The following LRRC4C variants were observed in gnomAD, a reference collection of about 807,000 sequenced individuals.
LRRC4C encodes leucine rich repeat containing 4C.
In LRRC4C, 5 loss-of-function variants were observed where a neutral mutation model predicts 33.6. That is an observed-to-expected ratio of 0.15 (90% confidence interval 0.08 to 0.31). The LOEUF is 0.31. LRRC4C is among the 10% of genes least tolerant of loss of function. The probability of loss-of-function intolerance (pLI) is 1.00; values close to 1 mark genes in which losing one functional copy is unlikely to be tolerated. For missense variants in LRRC4C, 560 were observed against 796.7 expected, an observed-to-expected ratio of 0.70 and a Z score of 3.58; for synonymous variants, 329 against 302.0, an observed-to-expected ratio of 1.09 and a Z score of -0.93.
At chr11:41,133,499 A>G in intron 1 of LRRC4C, among the ~76,000 whole-genome samples, 1 of 100,194 alleles carries the variant, frequency 1.0e-5, no homozygotes, top group Non-Finnish European at 1.9e-5. Context: ...CCCGCCAACC[A>G]ACAGAATAGA....
chr11:40,993,069 T>C (rs1170848457), intron 1 of LRRC4C, among the ~76,000 whole-genome samples: 1 of 152,124 alleles, frequency 6.6e-6, no homozygotes, highest in Non-Finnish European at 1.5e-5. Context: ...GCAATTAAAA[T>C]AAAATAATAA....
chr11:41,324,877 T>C (rs1323367960), intron 1 of LRRC4C, among the ~76,000 whole-genome samples: 8 of 152,210 alleles, frequency 5.3e-5, no homozygotes, highest in African/African-American at 9.6e-5. Flanking sequence ...TTAGTAATAT[T>C]TGGGGATTTT....
chr11:41,228,036 T>C (rs921568864), intron 1 of LRRC4C, among the ~76,000 whole-genome samples: 20 of 152,138 alleles, frequency 1.3e-4, no homozygotes, highest in African/African-American at 4.8e-4. Flanking sequence ...ACCACATTAA[T>C]TTCTCTTGCT....
At chr11:40,860,091 A>AAAT (rs140127318) in intron 2 of LRRC4C, among the ~76,000 whole-genome samples, 205 of 144,230 alleles carry the variant, frequency 1.4e-3, no homozygotes, top group Non-Finnish European at 5.1e-4. Flanking sequence ...GTCCCCCCAA[A>AAAT]AAATAAATAA....
At chr11:40,561,300 AG>A (rs1044107398) in intron 3 of LRRC4C, among the ~76,000 whole-genome samples, 2 of 152,038 alleles carry the variant, frequency 1.3e-5, no homozygotes, top group African/African-American at 2.4e-5. Flanking sequence ...AGTGGAATGA[AG>A]GGATTGGACT....
At chr11:40,489,175 A>G (rs1954020435) in intron 3 of LRRC4C, among the ~76,000 whole-genome samples, 1 of 151,880 alleles carries the variant, frequency 6.6e-6, no homozygotes, top group Non-Finnish European at 1.5e-5. Flanking sequence ...GGTTCTTGTA[A>G]TTTTCCACCC....
chr11:40,137,982 C>G (rs1174544433), intron 6 of LRRC4C, among the ~76,000 whole-genome samples: 1 of 152,156 alleles, frequency 6.6e-6, no homozygotes, highest in Non-Finnish European at 1.5e-5. Context: ...CAGGCACTAA[C>G]TTACATACGC....
chr11:40,282,332 G>C (rs1262745413), intron 4 of LRRC4C, among the ~76,000 whole-genome samples: 1 of 152,066 alleles, frequency 6.6e-6, no homozygotes, highest in African/African-American at 2.4e-5. Flanking sequence ...GTGACAGAGT[G>C]AGACTCCATC....
chr11:40,834,969 G>A (rs1952605181), intron 2 of LRRC4C, among the ~76,000 whole-genome samples: 1 of 109,014 alleles, frequency 9.2e-6, no homozygotes, highest in Admixed American at 9.7e-5. Flanking sequence ...ACCCACCCTG[G>A]GATTCTGGAT....
At chr11:40,744,476 T>G (rs143817957) in intron 2 of LRRC4C, among the ~76,000 whole-genome samples, 1 of 152,192 alleles carries the variant, frequency 6.6e-6, no homozygotes, top group Non-Finnish European at 1.5e-5. Context: ...TCTACTTCAT[T>G]GTAATTGTAG....
intron 3 of LRRC4C, among the ~76,000 whole-genome samples, chr11:40,582,903 A>G (rs1958538868): frequency 1.3e-5 from 2 of 152,176 alleles, no homozygotes; most frequent in African/African-American, 2.4e-5. Context: ...TACAATGGCA[A>G]TGATTCAATC....
At chr11:40,251,012 G>C (rs1272349780) in intron 4 of LRRC4C, among the ~76,000 whole-genome samples, 1 of 152,102 alleles carries the variant, frequency 6.6e-6, no homozygotes, top group Non-Finnish European at 1.5e-5. Context: ...TGTTTAGGTA[G>C]TTTTAAATCC....
intron 2 of LRRC4C, among the ~76,000 whole-genome samples, chr11:40,821,780 T>A (rs1425582763): frequency 6.6e-6 from 1 of 151,778 alleles, no homozygotes; most frequent in Non-Finnish European, 1.5e-5. Flanking sequence ...TAACATGGTA[T>A]CCTTGATTCA....
intron 3 of LRRC4C, among the ~76,000 whole-genome samples, chr11:40,338,240 G>A (rs1268115810): frequency 1.3e-5 from 2 of 152,118 alleles, no homozygotes; most frequent in Non-Finnish European, 2.9e-5. Context: ...ATGTTCTAAA[G>A]GTAGTAAATA....
intron 1 of LRRC4C, among the ~76,000 whole-genome samples, chr11:41,044,261 G>A (rs1857625961): frequency 6.6e-6 from 1 of 152,120 alleles, no homozygotes; most frequent in Non-Finnish European, 1.5e-5. Flanking sequence ...TGTCACAGTG[G>A]TGGAAGAAGC....
At position 40,114,660 on chromosome 11, in the gene LRRC4C, C is replaced by G; in HGVS notation, c.1633G>C (p.Val545Leu). ...TGCTTCCTCATCTTGTAGAAAATGA[C>G]CAGCATCACTGCAGCCATGAGTGTG... ...AITLMAAVML[V>L]IFYKMRKQHH... The change falls in exon 7 of 7, where the codon GTC (valine) becomes CTC (leucine). Residue 545 changes from valine (V) to leucine (L), a missense_variant. Transcript: ENST00000528697. 3 of 1,614,170 alleles carry G rather than the reference C, an allele frequency of 1.9e-6. No individual in the cohort carries two copies. Among genetic ancestry groups the G allele is most frequent in the Non-Finnish European group, 2.5e-6 (3 of 1,180,032 alleles).
intron 3 of LRRC4C, among the ~76,000 whole-genome samples, chr11:40,422,793 T>C (rs920272497): frequency 4.6e-5 from 7 of 152,274 alleles, no homozygotes; most frequent in Non-Finnish European, 1.0e-4. Flanking sequence ...CTTAATATAA[T>C]AGATTTTACA....
At chr11:40,606,411 A>T (rs1189034815) in intron 3 of LRRC4C, among the ~76,000 whole-genome samples, 2 of 152,186 alleles carry the variant, frequency 1.3e-5, no homozygotes, top group Non-Finnish European at 2.9e-5. Context: ...ATTTAGCCCA[A>T]CTGAATGGTA....
At chr11:41,369,950 A>G (rs1056369713) in intron 1 of LRRC4C, among the ~76,000 whole-genome samples, 1 of 152,240 alleles carries the variant, frequency 6.6e-6, no homozygotes, top group Non-Finnish European at 1.5e-5. Context: ...TCAACTCTCA[A>G]TAGAGATGCA....
Sources: allele counts gnomAD v4.1 joint callset (sites outside exome capture counted in the v4.1 genomes callset), GRCh38; gene constraint gnomAD v4.1.1; transcripts MANE v1.5; gene names NCBI Gene and HGNC (gene_info 2026-07-23, HGNC 2026-07-21).